The following TERB1 variants were observed in gnomAD, a reference collection of about 807,000 sequenced individuals.
The protein encoded by TERB1 is telomere repeats-binding bouquet formation protein 1.
A neutral mutation model predicts 92.3 loss-of-function variants in TERB1; 63 were observed. The ratio of observed to expected loss-of-function variants is 0.68; its 90% CI spans 0.56 to 0.84. TERB1 has a LOEUF of 0.84. TERB1 is among the 40% of genes least tolerant of loss of function. The pLI is 0.00. For synonymous variants in TERB1, 252 were observed against 283.9 expected, an observed-to-expected ratio of 0.89 and a Z score of 1.13; for missense variants, 709 against 843.7, an observed-to-expected ratio of 0.84 and a Z score of 1.98.
At chr16:66,766,568 A>G (rs2018350082) in intron 16 of TERB1, among the ~76,000 whole-genome samples, 1 of 152,234 alleles carries the variant, frequency 6.6e-6, no homozygotes, top group African/African-American at 2.4e-5. Flanking sequence ...CATATTATAA[A>G]TATAAAAATA....
In TERB1 at chr16:66,775,193, G is replaced by A; in HGVS notation, c.1036C>T (p.Gln346Ter). The A allele has an allele frequency of 6.4e-7, 1 of 1,551,406 alleles. No homozygotes were observed. Residue 346 changes from glutamine (Q) to a stop codon, truncating the protein, a stop_gained, in exon 12 of 19, where the codon CAA (glutamine) becomes TAA (stop). Coordinates refer to ENST00000433154, the MANE Select transcript of TERB1 (RefSeq NM_001136505.2). LOFTEE classifies it high-confidence loss of function. ...TCATTCTGCGATTCAGTTAAGGCTT[G>A]AATCATGAGTGGAAGCCCATTGTTT... ...FKNNGLPLMI[Q>*]ALTESQNEEL...
chr16:66,768,818 C>T (rs542305712), intron 14 of TERB1, among the ~76,000 whole-genome samples: 1 of 152,082 alleles, frequency 6.6e-6, no homozygotes, highest in South Asian at 2.1e-4. Flanking sequence ...ATATGGCTAA[C>T]CCTAGCCGGG....
At chr16:66,775,375 T>G (rs1415076219) in intron 11 of TERB1, 132 bp from the exon 12 acceptor site, 9 of 750,280 alleles carry the variant, frequency 1.2e-5, no homozygotes, top group Non-Finnish European at 2.1e-6. Context: ...GGCTCACTCT[T>G]GTAATCCCAG....
intron 6 of TERB1, among the ~76,000 whole-genome samples, chr16:66,787,265 A>ATTTTTC (rs1224792251): frequency 1.4e-5 from 2 of 147,996 alleles, no homozygotes; most frequent in African/African-American, 2.5e-5. Flanking sequence ...CACCCAGTTA[A>ATTTTTC]TTTTTCTTTT....
chr16:66,786,582 A>T (rs2018732328), intron 6 of TERB1, among the ~76,000 whole-genome samples: 1 of 152,232 alleles, frequency 6.6e-6, no homozygotes, highest in Admixed American at 6.5e-5. Context: ...AAAATAAATA[A>T]ATTCAACCTT....
At chr16:66,793,671 C>T (rs989478747) in intron 3 of TERB1, among the ~76,000 whole-genome samples, 37 of 152,232 alleles carry the variant, frequency 2.4e-4, no homozygotes, top group Admixed American at 9.8e-4. Flanking sequence ...ACCACCACGC[C>T]CAGCTAAATT....
rs1274663870 is a variant in TERB1 at position 66,785,872 on chromosome 16, T to G, written c.614A>C (p.His205Pro). The G allele has an allele frequency of 3.2e-6, 5 of 1,548,320 alleles. No homozygotes were observed. The highest frequency in any genetic ancestry group is 2.0e-5 in the Admixed American group (1 of 50,480). Residue 205 changes from histidine to proline, a missense_variant, in exon 9 of 19, where the codon CAT becomes CCT. Coordinates refer to ENST00000433154, the MANE Select transcript of TERB1 (RefSeq NM_001136505.2). ...NQMFCCSLFP[H>P]ANEWLKNCTT... ...GCAATTTTTTAGCCATTCATTAGCA[T>G]GTGGAAAAAGGGAACAGCAAAACAT...
intron 12 of TERB1, among the ~76,000 whole-genome samples, chr16:66,774,471 C>A (rs1226556791): frequency 6.6e-6 from 1 of 152,102 alleles, no homozygotes; most frequent in East Asian, 1.9e-4. Flanking sequence ...AGGCGTGAGC[C>A]ACCGCGCCCG....
chr16:66,764,078 T>C (rs1196066502), intron 16 of TERB1, among the ~76,000 whole-genome samples: 1 of 109,806 alleles, frequency 9.1e-6, no homozygotes, highest in Non-Finnish European at 1.8e-5. Context: ...TGCTAAGGAA[T>C]TTTAACTCTT....
intron 3 of TERB1, among the ~76,000 whole-genome samples, chr16:66,794,002 T>C (rs1437042801): frequency 6.6e-6 from 1 of 152,206 alleles, no homozygotes. Context: ...TGGATACCAA[T>C]AAGCCACATC....
chr16:66,768,713 A>G (rs1380528934), intron 14 of TERB1, among the ~76,000 whole-genome samples: 2 of 152,246 alleles, frequency 1.3e-5, no homozygotes, highest in Non-Finnish European at 2.9e-5. Flanking sequence ...AGTTATAGCT[A>G]TCTGTCCATG....
chr16:66,779,010 C>T lies in TERB1; in HGVS notation c.706G>A (p.Val236Ile), dbSNP rs945644864. 1 of 1,491,992 alleles carries T rather than the reference C, an allele frequency of 6.7e-7. No individual in the cohort carries two copies. Among genetic ancestry groups the T allele is most frequent in the South Asian group, 1.3e-5 (1 of 76,948 alleles). The allele number at this position is 1,491,992 out of a possible 1,614,324, so 92.4% of individuals were successfully genotyped here. A position where few individuals can be genotyped will look rare whatever the true frequency, so the allele number is the denominator to read the frequency against. Residue 236 changes from valine to isoleucine, a missense_variant, in exon 10 of 19, where the codon GTT becomes ATT. Physicochemically the swap from Val to Ile is conservative, Grantham distance 29. Coordinates refer to ENST00000433154, the MANE Select transcript of TERB1 (RefSeq NM_001136505.2). ...IGLTLANNTYVQKYFVSVGGL... is the reference protein window; with the variant it reads ...IGLTLANNTYIQKYFVSVGGL... ...CCCACAGATACGAAGTATTTCTGAA[C>T]ATATGCTTAAAGAATAAAGTAGCAA...
At chr16:66,775,084 G>C in intron 12 of TERB1, 34 bp downstream of exon 12, 1 of 1,543,182 alleles carries the variant, frequency 6.5e-7, no homozygotes, top group Non-Finnish European at 8.8e-7. Flanking sequence ...TATAAACTTT[G>C]GTTGGTATGT....
chr16:66,800,845 C>G (rs1959259128), intron 2 of TERB1, 132 bp downstream of exon 2: 1 of 152,306 alleles, frequency 6.6e-6, no homozygotes, highest in Admixed American at 6.5e-5. Context: ...TGAACACCCC[C>G]CCACTCCAGC....
rs1181303990 is a variant in TERB1, at chr16:66,754,862, T to C, written c.*114A>G. The C allele has an allele frequency of 4.1e-6, 4 of 967,806 alleles. No individual in the cohort carries two copies. Among genetic ancestry groups the C allele is most frequent in the Non-Finnish European group, 6.1e-6 (4 of 652,520 alleles). The allele number at this position is 967,806 out of a possible 1,614,324, so 60.0% of individuals were successfully genotyped here. Reference sequence around the variant, plus strand: ...ATCACAAAAACTGTTTAATGAAAACTGTATCCTCATTTCCACATTCCTTCT... The same window carrying C: ...ATCACAAAAACTGTTTAATGAAAACCGTATCCTCATTTCCACATTCCTTCT... On this transcript the variant is annotated 3_prime_UTR_variant, in exon 19 of 19. Transcript: ENST00000433154.
chr16:66,786,295 A>T lies in TERB1; in HGVS notation c.401-10T>A, dbSNP rs1471171992. 6.5e-7 allele frequency: 1 copy of T among 1,534,304 alleles called. No individual in the cohort carries two copies. Among genetic ancestry groups the T allele is most frequent in the Non-Finnish European group, 8.8e-7 (1 of 1,136,128 alleles). On this transcript the variant is annotated splice_polypyrimidine_tract_variant and intron_variant, in intron 6 of 18. Coordinates refer to ENST00000433154, the MANE Select transcript of TERB1 (RefSeq NM_001136505.2). ...AGTGTTTGTCCGGTCCCTTAAAAAA[A>T]TAGCCATATAAAAATATGAGTTTTA...
intron 18 of TERB1, among the ~76,000 whole-genome samples, chr16:66,756,920 C>A (rs1567463021): frequency 1.3e-5 from 2 of 152,088 alleles, no homozygotes; most frequent in African/African-American, 2.4e-5. Context: ...TCTAAGGACT[C>A]TTTTATTTTT....
At chr16:66,786,160 T>C in intron 7 of TERB1, 31 bp from the exon 8 acceptor site, 7 of 1,533,126 alleles carry the variant, frequency 4.6e-6, no homozygotes, top group Non-Finnish European at 4.4e-6. Context: ...GAAAGTAAAT[T>C]AATACAAATG....
intron 2 of TERB1, among the ~76,000 whole-genome samples, chr16:66,797,409 G>A (rs1959202821): frequency 6.6e-6 from 1 of 151,506 alleles, no homozygotes; most frequent in African/African-American, 2.4e-5. Flanking sequence ...CTAATTTTTT[G>A]TATTTTTTGT....
Sources: allele counts gnomAD v4.1 joint callset (sites outside exome capture counted in the v4.1 genomes callset), GRCh38; gene constraint gnomAD v4.1.1; transcripts MANE v1.5; gene names NCBI Gene and HGNC (gene_info 2026-07-23, HGNC 2026-07-21).